Variants in BHMT observed in about 807,000 individuals in gnomAD.
BHMT encodes the protein betaine--homocysteine S-methyltransferase 1.
BHMT carries 38 observed loss-of-function variants against 49.5 expected under a neutral mutation model. The ratio of observed to expected loss-of-function variants is 0.77; its 90% confidence interval spans 0.59 to 1.01. BHMT has a LOEUF of 1.01. Ranked by LOEUF, BHMT falls within the 50% of genes least tolerant of loss-of-function variation. The pLI is 0.00. For missense variants in BHMT, 426 were observed against 495.7 expected, an observed-to-expected ratio of 0.86 and a Z score of 1.34; for synonymous variants, 166 against 176.3, an observed-to-expected ratio of 0.94 and a Z score of 0.46.
chr5:79,124,382 C>A (rs754594763), intron 5 of BHMT, among the ~76,000 whole-genome samples: 3 of 150,574 alleles, frequency 2.0e-5, no homozygotes, highest in Non-Finnish European at 4.4e-5. Context: ...GGCCTTGTCT[C>A]TACAAAAAAA....
intron 1 of BHMT, among the ~76,000 whole-genome samples, chr5:79,115,064 C>G (rs767414138): frequency 4.8e-4 from 73 of 152,264 alleles, no homozygotes; most frequent in South Asian, 1.0e-3. Context: ...CATGTGCACA[C>G]TCATAACCTG....
At chr5:79,128,182 G>T in intron 7 of BHMT, 199 bp downstream of exon 7, 1 of 760,834 alleles carries the variant, frequency 1.3e-6, no homozygotes, top group Non-Finnish European at 2.0e-6. Flanking sequence ...TATTTGACCT[G>T]ATTTTGGATT....
rs761389871 is a variant in BHMT, at chr5:79,131,746, C to T, written c.*630C>T. On this transcript the variant is annotated 3_prime_UTR_variant, in exon 8 of 8. Transcript: ENST00000274353. ...ATCCACAGTTTGAAAAATATTGCTA[C>T]AAGACACTTAAGGAGACCATCCTGT... is the stretch of plus-strand genomic sequence containing the variant. The T allele has an allele frequency of 2.0e-5, 3 of 152,194 alleles. No homozygotes were observed. Among genetic ancestry groups the T allele is most frequent in the Non-Finnish European group, 2.9e-5 (2 of 68,028 alleles). The allele number at this position is 152,194 out of a possible 1,614,324, so 9.4% of individuals were successfully genotyped here. A position where few individuals can be genotyped will look rare whatever the true frequency, so the allele number is the denominator to read the frequency against.
chr5:79,122,169 C>A (rs1756483237), intron 5 of BHMT, among the ~76,000 whole-genome samples: 1 of 152,068 alleles, frequency 6.6e-6, no homozygotes, highest in African/African-American at 2.4e-5. Flanking sequence ...TCTCGAACTC[C>A]TGACCTCGTG....
At chr5:79,124,984 G>A (rs1283597472) in intron 5 of BHMT, among the ~76,000 whole-genome samples, 1 of 152,136 alleles carries the variant, frequency 6.6e-6, no homozygotes, top group Non-Finnish European at 1.5e-5. Context: ...AACTTATTAA[G>A]TTGGCCTGGT....
In BHMT at chr5:79,121,209, T is replaced by C. The variant is rs1375792019; in HGVS notation, c.478-9T>C. 2.5e-6 allele frequency: 4 copies of C among 1,613,604 alleles called. No individual in the cohort carries two copies. Among genetic ancestry groups the C allele is most frequent in the Non-Finnish European group, 2.5e-6 (3 of 1,179,728 alleles). ...AGATTAAAAGTACTCTAACCTTAAC[T>C]GATTCCAGTATTTTGAACACGTTGA... On this transcript the variant is annotated splice_polypyrimidine_tract_variant and intron_variant, in intron 4 of 7. Transcript: ENST00000274353.
intron 1 of BHMT, among the ~76,000 whole-genome samples, chr5:79,112,429 G>A (rs1397366970): frequency 6.6e-6 from 1 of 152,210 alleles, no homozygotes; most frequent in Non-Finnish European, 1.5e-5. Flanking sequence ...TGCACCCGGC[G>A]CGCCCAGAAC....
chr5:79,130,914 A>C lies in BHMT; in HGVS notation c.1038-19A>C, dbSNP rs989019929. The C allele has an allele frequency of 6.3e-6, 10 of 1,587,144 alleles. No homozygotes were observed. Among genetic ancestry groups the C allele is most frequent in the Admixed American group, 3.5e-5 (2 of 56,662 alleles). ...GGGGAGGAGTCTGTTGTCTGGTGTC[A>C]TGTGTTTTGTTCACACAGGGCCAGG... On this transcript the variant is annotated intron_variant, in intron 7 of 7. Transcript: ENST00000274353.
At position 79,121,254 on chromosome 5, in the gene BHMT, G is replaced by A; in HGVS notation, c.514G>A (p.Glu172Lys). Reference protein sequence around the residue: ...EHVEEAVWAVETLIASGKPVA... With the variant: ...EHVEEAVWAVKTLIASGKPVA... ...CGTTGAAGAAGCTGTGTGGGCAGTT[G>A]AAACCTTGATAGCATCCGGTAAACC... The change falls in exon 5 of 8, where the codon GAA becomes AAA. Residue 172 changes from glutamate (E) to lysine (K), a missense_variant. Transcript: ENST00000274353. The A allele has an allele frequency of 6.2e-7, 1 of 1,614,146 alleles. No individual in the cohort carries two copies. The highest frequency in any genetic ancestry group is 8.5e-7 in the Non-Finnish European group (1 of 1,180,002).
chr5:79,124,643 A>G (rs1580273318), intron 5 of BHMT, among the ~76,000 whole-genome samples: 3 of 152,318 alleles, frequency 2.0e-5, no homozygotes, highest in Middle Eastern at 6.8e-3. Flanking sequence ...TAAGAACATA[A>G]TGACTATAAA....
intron 7 of BHMT, among the ~76,000 whole-genome samples, chr5:79,129,616 G>T (rs1272809295): frequency 6.6e-6 from 1 of 152,174 alleles, no homozygotes; most frequent in Non-Finnish European, 1.5e-5. Context: ...TTAGCAAGTT[G>T]TAATCGCCAT....
chr5:79,127,753 A>G lies in BHMT; in HGVS notation c.809-2A>G. 6.2e-7 allele frequency: 1 copy of G among 1,613,986 alleles called. No individual in the cohort carries two copies. The highest frequency in any genetic ancestry group is 8.5e-7 in the Non-Finnish European group (1 of 1,179,854). ...CTAATGGCATAATGCCACTTATTACAGGACTGGAACCCAGAGTTGCCACCA... is the reference window on the plus strand; with the variant it reads ...CTAATGGCATAATGCCACTTATTACGGGACTGGAACCCAGAGTTGCCACCA... On this transcript the variant is annotated splice_acceptor_variant, in intron 6 of 7. Coordinates refer to ENST00000274353, the MANE Select transcript of BHMT (RefSeq NM_001713.3). LOFTEE classifies it high-confidence loss of function.
chr5:79,129,429 A>AC (rs1386392740), intron 7 of BHMT, among the ~76,000 whole-genome samples: 1 of 152,194 alleles, frequency 6.6e-6, no homozygotes, highest in Non-Finnish European at 1.5e-5. Flanking sequence ...AAAGAGAATG[A>AC]CACATTGAGA....
chr5:79,127,841 TGCTG>T lies in BHMT; in HGVS notation c.896_899del (p.Cys299LeufsTer58). Reference sequence around the variant, plus strand: ...CCTGGGGGTCAGGTACATTGGCGGGTGCTGTGGATTTGAGCCCTACCACATCAGG... The same window carrying T: ...CCTGGGGGTCAGGTACATTGGCGGGTTGGATTTGAGCCCTACCACATCAGG... On this transcript the variant is annotated frameshift_variant, in exon 7 of 8. Coordinates refer to ENST00000274353, the MANE Select transcript of BHMT (RefSeq NM_001713.3). LOFTEE classifies it high-confidence loss of function. The T allele has an allele frequency of 6.2e-7, 1 of 1,611,472 alleles. No homozygotes were observed. Among genetic ancestry groups the T allele is most frequent in the Non-Finnish European group, 8.5e-7 (1 of 1,179,006 alleles).
chr5:79,115,986 G>C, intron 2 of BHMT, 87 bp downstream of exon 2: 1 of 1,423,054 alleles, frequency 7.0e-7, no homozygotes, highest in South Asian at 1.6e-5. Flanking sequence ...AGGAGGCTGA[G>C]GTGGGAAGAC....
rs372541519 is a variant in BHMT at position 79,115,780 on chromosome 5, G to C, written c.47G>C (p.Arg16Pro). The change falls in exon 2 of 8, where the codon CGT becomes CCT. Residue 16 changes from arginine (R) to proline (P), a missense_variant. Transcript: ENST00000274353. ...GKKAKKGILERLNAGEIVIGD... is the reference protein window; with the variant it reads ...GKKAKKGILEPLNAGEIVIGD... ...CTGTAATTTTAGGGCATCCTAGAAC[G>C]TTTAAATGCTGGAGAGATTGTGATT... 1 of 1,611,718 alleles carries C rather than the reference G, an allele frequency of 6.2e-7. No individual in the cohort carries two copies. The highest frequency in any genetic ancestry group is 8.5e-7 in the Non-Finnish European group (1 of 1,178,680).
intron 1 of BHMT, among the ~76,000 whole-genome samples, chr5:79,113,120 G>A (rs1333751043): frequency 1.3e-5 from 2 of 152,182 alleles, no homozygotes; most frequent in Non-Finnish European, 2.9e-5. Flanking sequence ...CAAGGAAGAA[G>A]GTCAATTCGG....
chr5:79,115,745 C>A, intron 1 of BHMT, 22 bp from the exon 2 acceptor site: 1 of 1,570,750 alleles, frequency 6.4e-7, no homozygotes, highest in Non-Finnish European at 8.6e-7. Flanking sequence ...AACTCCTTTT[C>A]CTCCCTCATC....
chr5:79,115,397 T>C (rs962588394), intron 1 of BHMT, among the ~76,000 whole-genome samples: 2 of 151,948 alleles, frequency 1.3e-5, no homozygotes, highest in Non-Finnish European at 2.9e-5. Context: ...AGAAGACTAG[T>C]ATTTACCATT....
Sources: allele counts gnomAD v4.1 joint callset (sites outside exome capture counted in the v4.1 genomes callset), GRCh38; gene constraint gnomAD v4.1.1; transcripts MANE v1.5; gene names NCBI Gene and HGNC (gene_info 2026-07-23, HGNC 2026-07-21).